Variants in EYS observed in about 807,000 individuals in gnomAD.
The protein encoded by EYS is EGF-like photoreceptor maintenance factor, also known as protein eyes shut homolog.
A neutral mutation model predicts 282.1 loss-of-function variants in EYS; 250 were observed. The observed-to-expected ratio is 0.89, with a 90% CI of 0.80 to 0.98. The LOEUF is 0.98. Among genes scored for constraint, EYS ranks in the 50% least tolerant of loss-of-function variants. The pLI is 0.00. For synonymous variants in EYS, 1,355 were observed against 1,282.9 expected (o/e 1.06, Z -1.20); for missense variants, 4,016 against 3,709.0 (o/e 1.08, Z -2.15).
intron 19 of EYS, among the ~76,000 whole-genome samples, chr6:64,876,047 A>T (rs1766741385): frequency 6.6e-6 from 1 of 151,972 alleles, no homozygotes; most frequent in African/African-American, 2.4e-5. Flanking sequence ...AAGATTTATT[A>T]TGAGTTAGTG....
intron 41 of EYS, among the ~76,000 whole-genome samples, chr6:63,760,502 A>G (rs1769604928): frequency 6.6e-6 from 1 of 152,000 alleles, no homozygotes; most frequent in Non-Finnish European, 1.5e-5. Flanking sequence ...ATATCAAGGT[A>G]TATCTTTGGT....
At position 65,693,010 on chromosome 6, in the gene EYS, T is replaced by C. The variant is rs184107178; in HGVS notation, c.-448+14125A>G. Among the ~76,000 whole-genome samples the C allele has an allele frequency of 2.5e-3, 369 of 150,080 alleles. 7 individuals are homozygous for C. The highest frequency in any genetic ancestry group is 8.5e-3 in the African/African-American group (351 of 41,288). On this transcript the variant is annotated intron_variant, in intron 1 of 42. Transcript: ENST00000503581. ...GACATCTATTAAGCAAATAAATAAA[T>C]AAATACCATACACTTCAAGGTGAGA...
chr6:65,637,234 T>C (rs1419313987), intron 2 of EYS, among the ~76,000 whole-genome samples: 1 of 152,240 alleles, frequency 6.6e-6, no homozygotes, highest in Non-Finnish European at 1.5e-5. Context: ...AGTAAGTTTC[T>C]GGTGAATAAT....
At chr6:64,573,373 G>C (rs1765783433) in intron 26 of EYS, among the ~76,000 whole-genome samples, 1 of 152,126 alleles carries the variant, frequency 6.6e-6, no homozygotes, top group Admixed American at 6.6e-5. Context: ...TATGGGCAAA[G>C]ACTTCATGAC....
chr6:64,015,671 G>A (rs1451536264), intron 33 of EYS, among the ~76,000 whole-genome samples: 1 of 152,172 alleles, frequency 6.6e-6, no homozygotes, highest in African/African-American at 2.4e-5. Flanking sequence ...TGAGGTGAAG[G>A]TGAATAAAAT....
chr6:64,815,192 C>T (rs1386514723), intron 21 of EYS: 2 of 444,342 alleles, frequency 4.5e-6, no homozygotes, highest in Admixed American at 5.0e-5. Flanking sequence ...TTTTTATAAA[C>T]AAATCCTTTG....
chr6:64,430,853 C>T (rs1774553735), intron 28 of EYS, among the ~76,000 whole-genome samples: 1 of 152,086 alleles, frequency 6.6e-6, no homozygotes, highest in African/African-American at 2.4e-5. Flanking sequence ...GTGGAGAATT[C>T]ATTTTCTCAG....
intron 41 of EYS, among the ~76,000 whole-genome samples, chr6:63,734,867 G>A (rs796140101): frequency 1.1e-4 from 16 of 152,174 alleles, no homozygotes; most frequent in African/African-American, 3.9e-4. Flanking sequence ...ACAGAGATCG[G>A]TAAGGAATTT....
intron 14 of EYS, among the ~76,000 whole-genome samples, chr6:64,992,896 C>T (rs1279584830): frequency 6.6e-6 from 1 of 151,914 alleles, no homozygotes; most frequent in Non-Finnish European, 1.5e-5. Flanking sequence ...TTTTGTGGTT[C>T]CAACTTGGTA....
chr6:64,850,454 T>C (rs1490309973), intron 19 of EYS, among the ~76,000 whole-genome samples: 1 of 151,998 alleles, frequency 6.6e-6, no homozygotes, highest in Non-Finnish European at 1.5e-5. Context: ...CCTGAAGAAG[T>C]AACTTGAAAT....
intron 4 of EYS, among the ~76,000 whole-genome samples, chr6:65,494,456 T>C (rs1766159927): frequency 6.6e-6 from 1 of 151,170 alleles, no homozygotes; most frequent in South Asian, 2.1e-4. Context: ...TTTTTTTTTG[T>C]ATTTTTAGTA....
In EYS at chr6:65,271,126, G is replaced by GA. The variant is rs1157157045; in HGVS notation, c.2023+24736dup. On this transcript the variant is annotated intron_variant, in intron 12 of 42. Coordinates refer to ENST00000503581, the MANE Select transcript of EYS (RefSeq NM_001142800.2). ...ATTCTCCAGAGAAACAGAATCAATAGATTATATATATATATATATATATAT... is the reference window on the plus strand; with the variant it reads ...ATTCTCCAGAGAAACAGAATCAATAGAATTATATATATATATATATATATAT... Among the ~76,000 whole-genome samples the GA allele has an allele frequency of 2.0e-3, 25 of 12,226 alleles. 1 individual carries two copies. The highest frequency in any genetic ancestry group is 3.5e-3 in the African/African-American group (19 of 5,380). The allele number at this position is 12,226 out of a possible 152,430, so 8.0% of individuals were successfully genotyped here.
intron 2 of EYS, among the ~76,000 whole-genome samples, chr6:65,621,991 A>T (rs1415428773): frequency 1.3e-5 from 2 of 152,186 alleles, no homozygotes; most frequent in African/African-American, 4.8e-5. Context: ...AAAAAATAAT[A>T]AAACTAAACA....
At chr6:64,428,695 C>A (rs1231802443) in intron 28 of EYS, among the ~76,000 whole-genome samples, 1 of 152,116 alleles carries the variant, frequency 6.6e-6, no homozygotes, top group African/African-American at 2.4e-5. Flanking sequence ...TTACTAAAAG[C>A]ATGCATTTGG....
intron 35 of EYS, among the ~76,000 whole-genome samples, chr6:63,887,314 G>GTT (rs35622877): frequency 0.35 from 42,012 of 118,414 alleles, 8,622 homozygotes; most frequent in East Asian, 0.47. Context: ...AATAAAAGGT[G>GTT]TTTTTTTTTT....
At chr6:64,767,169 A>G (rs113481002) in intron 22 of EYS, among the ~76,000 whole-genome samples, 1 of 151,832 alleles carries the variant, frequency 6.6e-6, no homozygotes, top group Non-Finnish European at 1.5e-5. Flanking sequence ...CTAATTGTAC[A>G]TATTTATTGT....
chr6:64,272,700 T>G (rs532696877), intron 30 of EYS, among the ~76,000 whole-genome samples: 1 of 152,140 alleles, frequency 6.6e-6, no homozygotes. Flanking sequence ...TAAATATATA[T>G]GTAATCATAT....
At chr6:65,029,530 G>C (rs1772531984) in intron 13 of EYS, among the ~76,000 whole-genome samples, 1 of 151,922 alleles carries the variant, frequency 6.6e-6, no homozygotes, top group Admixed American at 6.6e-5. Flanking sequence ...AATTTACATG[G>C]AGTGTGCCTG....
At chr6:65,355,361 A>T (rs2150328917) in intron 8 of EYS, among the ~76,000 whole-genome samples, 2 of 151,488 alleles carry the variant, frequency 1.3e-5, no homozygotes, top group Middle Eastern at 6.8e-3. Flanking sequence ...AAGTATTGAA[A>T]TAAAAATTTA....
Sources: allele counts gnomAD v4.1 joint callset (sites outside exome capture counted in the v4.1 genomes callset), GRCh38; gene constraint gnomAD v4.1.1; transcripts MANE v1.5; gene names NCBI Gene and HGNC (gene_info 2026-07-23, HGNC 2026-07-21).